NEBL: variants seen among roughly 807,000 people sequenced by gnomAD.
NEBL encodes the protein nebulette, also known as LIM and SH3 protein 2.
Under a neutral mutation model 140.2 loss-of-function variants are expected in NEBL, and 122 were observed. The observed-to-expected ratio is 0.87, with a 90% CI of 0.75 to 1.01. The LOEUF is 1.01. Among genes scored for constraint, NEBL ranks in the 50% least tolerant of loss-of-function variants. The probability of loss-of-function intolerance (pLI) is 0.00; values close to 1 mark genes in which losing one functional copy is unlikely to be tolerated. For synonymous variants in NEBL, 436 were observed against 398.9 expected, an observed-to-expected ratio of 1.09 and a Z score of -1.11; for missense variants, 1,365 against 1,231.3, an observed-to-expected ratio of 1.11 and a Z score of -1.62.
chr10:21,200,340 G>C (rs7904138), intron 3 of NEBL, among the ~76,000 whole-genome samples: 5 of 121,692 alleles, frequency 4.1e-5, no homozygotes, highest in African/African-American at 1.6e-4. Flanking sequence ...TTGAGATGGA[G>C]TCTCGCTCTG....
intron 2 of NEBL, chr10:21,170,220 C>T (rs1841014258): frequency 6.6e-6 from 1 of 152,080 alleles, no homozygotes; most frequent in African/African-American, 2.4e-5. Flanking sequence ...GTTGTAATTG[C>T]TATTCTCTCC....
At chr10:21,057,901 A>G (rs1835102895) in intron 2 of NEBL, among the ~76,000 whole-genome samples, 1 of 152,108 alleles carries the variant, frequency 6.6e-6, no homozygotes, top group African/African-American at 2.4e-5. Flanking sequence ...TTAAAGCCAG[A>G]CTTATTTTTG....
At chr10:21,052,583 C>A (rs777966065) in intron 2 of NEBL, among the ~76,000 whole-genome samples, 1 of 152,098 alleles carries the variant, frequency 6.6e-6, no homozygotes, top group Non-Finnish European at 1.5e-5. Flanking sequence ...GATTGGTCAG[C>A]GGGGTATAGA....
chr10:20,949,500 A>T (rs936690314), intron 4 of NEBL, among the ~76,000 whole-genome samples: 3 of 152,334 alleles, frequency 2.0e-5, no homozygotes, highest in Admixed American at 2.0e-4. Context: ...CACAGGTTGG[A>T]GGCAGGAAAA....
chr10:21,113,604 T>G (rs1196655813), intron 2 of NEBL, among the ~76,000 whole-genome samples: 1 of 152,154 alleles, frequency 6.6e-6, no homozygotes, highest in Non-Finnish European at 1.5e-5. Flanking sequence ...AGAACTTTCC[T>G]TACCATGTTT....
intron 25 of NEBL, 138 bp from the exon 26 acceptor site, chr10:20,808,797 C>T: frequency 1.1e-5 from 10 of 907,788 alleles, no homozygotes; most frequent in Admixed American, 5.7e-5. Context: ...GCGCTAGGCA[C>T]CTATTCCCAA....
intron 3 of NEBL, among the ~76,000 whole-genome samples, chr10:21,242,365 G>A (rs540561615): frequency 6.6e-6 from 1 of 152,254 alleles, no homozygotes; most frequent in Admixed American, 6.5e-5. Flanking sequence ...AACTAATGCA[G>A]GAACAGAAAA....
intron 2 of NEBL, chr10:21,110,742 T>C (rs1456995653): frequency 1.8e-5 from 9 of 503,508 alleles, no homozygotes; most frequent in Non-Finnish European, 3.2e-5. Flanking sequence ...ACAAAGATTA[T>C]CGCTTTAAAG....
intron 13 of NEBL, 97 bp from the exon 14 acceptor site, chr10:20,835,720 A>G: frequency 1.2e-6 from 1 of 867,328 alleles, no homozygotes; most frequent in Non-Finnish European, 1.9e-6. Context: ...GACATATTTT[A>G]CAAAAGAGGT....
chr10:20,934,174 G>A (rs142548743), intron 4 of NEBL, among the ~76,000 whole-genome samples: 222 of 152,188 alleles, frequency 1.5e-3, no homozygotes, highest in African/African-American at 4.8e-3. Context: ...ACAGGTCTAC[G>A]GTCAAAACAA....
chr10:21,004,266 T>G (rs1004319873), intron 3 of NEBL, among the ~76,000 whole-genome samples: 1 of 152,106 alleles, frequency 6.6e-6, no homozygotes, highest in Admixed American at 6.5e-5. Context: ...GACATCGTTA[T>G]GAATAAATGC....
At chr10:21,231,087 G>A (rs1842243089) in intron 3 of NEBL, among the ~76,000 whole-genome samples, 2 of 152,194 alleles carry the variant, frequency 1.3e-5, no homozygotes, top group Non-Finnish European at 1.5e-5. Context: ...GAGGCATAAG[G>A]ACACAAGTTG....
chr10:20,978,881 C>A (rs1297754561), intron 3 of NEBL, among the ~76,000 whole-genome samples: 3 of 152,100 alleles, frequency 2.0e-5, no homozygotes, highest in Non-Finnish European at 4.4e-5. Flanking sequence ...TAGAAAGTCT[C>A]CTCATGCACA....
intron 3 of NEBL, chr10:21,218,010 A>C (rs1336909758): frequency 6.6e-6 from 1 of 152,298 alleles, no homozygotes; most frequent in Non-Finnish European, 1.5e-5. Flanking sequence ...GAGAGTCTTG[A>C]GTTCTGACCT....
rs1841828283 is a variant in NEBL, at chr10:20,845,440, G to T, written c.1117-72C>A. 3.1e-6 allele frequency: 3 copies of T among 969,352 alleles called. No homozygotes were observed. In the South Asian group the frequency reaches 4.0e-5, roughly 13 times the overall value. 60.0% of individuals were successfully genotyped at this position (969,352 alleles called of 1,614,324 possible). ...CCATTGAAAAGAGATTTGAACAAGAGTTCCCAGAACAAAAATGATGTTTTC... is the reference window on the plus strand; with the variant it reads ...CCATTGAAAAGAGATTTGAACAAGATTTCCCAGAACAAAAATGATGTTTTC... On this transcript the variant is annotated intron_variant, in intron 11 of 27. Coordinates refer to ENST00000377122, the MANE Select transcript of NEBL (RefSeq NM_006393.3).
intron 13 of NEBL, 123 bp downstream of exon 13, chr10:20,840,616 T>C (rs1841323480): frequency 2.8e-6 from 2 of 715,082 alleles, no homozygotes; most frequent in Non-Finnish European, 2.5e-6. Context: ...ACTACAAGGA[T>C]ATAGCTGTTT....
At chr10:21,279,668 G>A (rs1842967933) in intron 1 of NEBL, among the ~76,000 whole-genome samples, 1 of 151,162 alleles carries the variant, frequency 6.6e-6, no homozygotes, top group South Asian at 2.1e-4. Flanking sequence ...TGAGACATGA[G>A]AATCACTTGA....
chr10:21,054,803 C>T (rs567426708), intron 2 of NEBL, among the ~76,000 whole-genome samples: 76 of 152,180 alleles, frequency 5.0e-4, no homozygotes, highest in Non-Finnish European at 1.0e-3. Flanking sequence ...GGCACTTACT[C>T]GGAGGCATAC....
At chr10:21,131,000 G>C (rs1227971853) in intron 2 of NEBL, among the ~76,000 whole-genome samples, 10 of 151,818 alleles carry the variant, frequency 6.6e-5, no homozygotes, top group African/African-American at 2.4e-4. Context: ...CCTCTAGCCA[G>C]GTTAAGAAAA....
Sources: allele counts gnomAD v4.1 joint callset (sites outside exome capture counted in the v4.1 genomes callset), GRCh38; gene constraint gnomAD v4.1.1; transcripts MANE v1.5; gene names NCBI Gene and HGNC (gene_info 2026-07-23, HGNC 2026-07-21).